Variants in PRIM2 observed in about 807,000 individuals in gnomAD.
PRIM2 encodes DNA primase subunit 2, also known as DNA primase large subunit.
PRIM2 carries 39 observed loss-of-function variants against 67.3 expected under a neutral mutation model. The ratio of observed to expected loss-of-function variants is 0.58; its 90% CI spans 0.45 to 0.76. The LOEUF (loss-of-function observed/expected upper bound fraction) is 0.76. PRIM2 is among the 30% of genes least tolerant of loss of function. PRIM2 has a pLI of 0.00. For synonymous variants in PRIM2, 143 were observed against 198.7 expected, an observed-to-expected ratio of 0.72 and a Z score of 2.36; for missense variants, 398 against 598.7, an observed-to-expected ratio of 0.66 and a Z score of 3.50.
chr6:57,304,405 G>C, the PRIM2 span, among the ~76,000 whole-genome samples: 1 of 152,114 alleles, frequency 6.6e-6, no homozygotes, highest in East Asian at 1.9e-4. Context: ...GGACTTACTA[G>C]ACAATAAAAA....
intron 5 of PRIM2, among the ~76,000 whole-genome samples, chr6:57,355,288 C>T (rs1235090193): frequency 8.2e-6 from 1 of 122,008 alleles, no homozygotes; most frequent in African/African-American, 3.3e-5. Context: ...TGGGTAACAG[C>T]GAGACTCTGT....
At chr6:57,320,381 T>C (rs1021666169) in intron 2 of PRIM2, 76 bp from the exon 3 acceptor site, 5 of 941,458 alleles carry the variant, frequency 5.3e-6, no homozygotes, top group Non-Finnish European at 7.8e-6. Flanking sequence ...AATTATGGAA[T>C]TGCCCTCCAT....
intron 7 of PRIM2, among the ~76,000 whole-genome samples, chr6:57,434,759 G>GCT (rs1390194612): frequency 2.0e-5 from 3 of 151,478 alleles, no homozygotes; most frequent in African/African-American, 7.3e-5. Flanking sequence ...CTGGGTCTCT[G>GCT]CTCTCTCTCT....
intron 7 of PRIM2, among the ~76,000 whole-genome samples, chr6:57,443,119 A>G (rs1005701629): frequency 1.3e-5 from 2 of 152,198 alleles, no homozygotes; most frequent in Non-Finnish European, 2.9e-5. Flanking sequence ...TATTGTGTAT[A>G]CATACCATAT....
At chr6:57,499,412 G>T (rs1457087494) in intron 7 of PRIM2, among the ~76,000 whole-genome samples, 2 of 152,150 alleles carry the variant, frequency 1.3e-5, no homozygotes, top group East Asian at 3.9e-4. Context: ...TTCTGAAGCA[G>T]GCCATAAACC....
At chr6:57,222,337 G>A in the PRIM2 span, 1 of 152,228 alleles carries the variant, frequency 6.6e-6, no homozygotes, top group Non-Finnish European at 1.5e-5. Context: ...CATGCTCTGT[G>A]CGGACCCGCG....
chr6:57,524,655 C>T (rs1238957462), intron 8 of PRIM2, among the ~76,000 whole-genome samples: 2 of 151,806 alleles, frequency 1.3e-5, no homozygotes, highest in Admixed American at 6.6e-5. Flanking sequence ...GAGCCGAGAT[C>T]GTACCATTGC....
At chr6:57,390,205 A>T (rs1319975308) in intron 7 of PRIM2, 3 of 154,794 alleles carry the variant, frequency 1.9e-5, no homozygotes, top group African/African-American at 4.8e-5. Context: ...CTTTTGCGCC[A>T]ACCTAATAAC....
intron 10 of PRIM2, among the ~76,000 whole-genome samples, chr6:57,578,269 T>A (rs1366807252): frequency 1.3e-5 from 2 of 152,184 alleles, no homozygotes; most frequent in Non-Finnish European, 2.9e-5. Flanking sequence ...TCTGCTGGGT[T>A]TCTCCACTGT....
intron 8 of PRIM2, among the ~76,000 whole-genome samples, chr6:57,510,636 G>T (rs1284936450): frequency 2.0e-5 from 3 of 149,078 alleles, no homozygotes; most frequent in Non-Finnish European, 4.5e-5. Context: ...CACTGCTGTT[G>T]CTTTATTATT....
At chr6:57,303,107 TAA>T in the PRIM2 span, among the ~76,000 whole-genome samples, 2 of 152,196 alleles carry the variant, frequency 1.3e-5, no homozygotes, top group Non-Finnish European at 2.9e-5. Flanking sequence ...ACGTAAAAGC[TAA>T]GTTTGTATAT....
chr6:57,560,241 C>T (rs1320578138), intron 10 of PRIM2, among the ~76,000 whole-genome samples: 2 of 151,674 alleles, frequency 1.3e-5, no homozygotes, highest in African/African-American at 4.8e-5. Flanking sequence ...ACCTTCTTTG[C>T]TCATCCATGA....
At chr6:57,585,856 C>T (rs1776178614) in intron 10 of PRIM2, among the ~76,000 whole-genome samples, 1 of 152,188 alleles carries the variant, frequency 6.6e-6, no homozygotes, top group Non-Finnish European at 1.5e-5. Context: ...CTTCTCTCAG[C>T]AATCTAAGTC....
intron 12 of PRIM2, among the ~76,000 whole-genome samples, chr6:57,607,678 TG>T (rs1731991662): frequency 6.6e-6 from 1 of 152,178 alleles, no homozygotes; most frequent in African/African-American, 2.4e-5. Flanking sequence ...TATAAACTGC[TG>T]CTAACATATT....
chr6:57,553,969 T>C (rs1419071841), intron 10 of PRIM2, among the ~76,000 whole-genome samples: 2 of 152,318 alleles, frequency 1.3e-5, no homozygotes, highest in East Asian at 1.9e-4. Context: ...AAAATCTGTC[T>C]TTATTAATAG....
intron 5 of PRIM2, among the ~76,000 whole-genome samples, chr6:57,377,841 T>G (rs576396392): frequency 6.6e-6 from 1 of 152,182 alleles, no homozygotes; most frequent in East Asian, 1.9e-4. Flanking sequence ...AAAACACAGG[T>G]TTCATTTAGT....
At chr6:57,302,378 T>C in the PRIM2 span, among the ~76,000 whole-genome samples, 4 of 152,206 alleles carry the variant, frequency 2.6e-5, no homozygotes, top group East Asian at 7.7e-4. Flanking sequence ...TTTTGACTTT[T>C]CAGTGTTTTC....
chr6:57,563,914 C>T (rs1232453154), intron 10 of PRIM2, among the ~76,000 whole-genome samples: 25 of 152,330 alleles, frequency 1.6e-4, no homozygotes, highest in African/African-American at 5.1e-4. Context: ...CCTCCTCAGC[C>T]TCCCAAAGTG....
At chr6:57,255,233 G>A in the PRIM2 span, among the ~76,000 whole-genome samples, 12 of 152,046 alleles carry the variant, frequency 7.9e-5, no homozygotes, top group African/African-American at 2.9e-4. Flanking sequence ...GTGTGGTGGT[G>A]CACACCTGTA....
Sources: allele counts gnomAD v4.1 joint callset (sites outside exome capture counted in the v4.1 genomes callset), GRCh38; gene constraint gnomAD v4.1.1; transcripts MANE v1.5; gene names NCBI Gene and HGNC (gene_info 2026-07-23, HGNC 2026-07-21).